The following GPR55 variants were observed in gnomAD, a reference collection of about 807,000 sequenced individuals.
GPR55 encodes G protein-coupled receptor 55, also known as G-protein coupled receptor 55.
In GPR55, 6 loss-of-function variants were observed where a neutral mutation model predicts 7.9. The observed-to-expected ratio is 0.76, with a 90% CI of 0.41 to 1.49. GPR55 has a LOEUF of 1.49. Ranked by LOEUF, GPR55 falls within the 40% of genes most tolerant of loss-of-function variation. The probability of loss-of-function intolerance (pLI) is 0.01; values close to 1 mark genes in which losing one functional copy is unlikely to be tolerated. For missense variants in GPR55, 376 were observed against 406.0 expected (o/e 0.93, Z 0.63); for synonymous variants, 183 against 166.8 (o/e 1.10, Z -0.75).
chr2:230,958,091 G>T, intron 1 of GPR55: 1 of 257,346 alleles, frequency 3.9e-6, no homozygotes, highest in South Asian at 5.0e-5. Context: ...AAGAAAGAAA[G>T]GAAGAAAATT....
At chr2:230,957,622 C>T (rs1157448710) in intron 1 of GPR55, 2 of 475,344 alleles carry the variant, frequency 4.2e-6, no homozygotes, top group Non-Finnish European at 8.6e-6. Context: ...CCGGCGAGCC[C>T]GCGAAGGGGA....
At chr2:230,951,944 T>G (rs1189925882) in intron 1 of GPR55, among the ~76,000 whole-genome samples, 1 of 151,938 alleles carries the variant, frequency 6.6e-6, no homozygotes, top group East Asian at 1.9e-4. Flanking sequence ...TTTTTAATTT[T>G]TTTGCAGAAA....
intron 1 of GPR55, among the ~76,000 whole-genome samples, chr2:230,937,386 G>C (rs1691147956): frequency 2.3e-5 from 2 of 88,224 alleles, no homozygotes; most frequent in South Asian, 6.9e-4. Flanking sequence ...GTCTGGGCAA[G>C]AGAGTGAGGC....
intron 1 of GPR55, among the ~76,000 whole-genome samples, chr2:230,959,183 C>T (rs116350772): frequency 0.015 from 2,310 of 152,330 alleles, 38 homozygotes; most frequent in Non-Finnish European, 0.019. Context: ...ACCTAGCTCA[C>T]GCCTGTAATC....
At chr2:230,915,427 A>G (rs1196346103) in intron 1 of GPR55, among the ~76,000 whole-genome samples, 2 of 152,214 alleles carry the variant, frequency 1.3e-5, no homozygotes, top group African/African-American at 4.8e-5. Flanking sequence ...GGGGACTGGA[A>G]TGGGGCAGTC....
At chr2:230,946,815 C>T (rs150221576) in intron 1 of GPR55, among the ~76,000 whole-genome samples, 3 of 152,332 alleles carry the variant, frequency 2.0e-5, no homozygotes, top group African/African-American at 7.2e-5. Flanking sequence ...TAGGGACCTC[C>T]AGGGCCTAAC....
rs10186750 is a variant in GPR55 at position 230,924,360 on chromosome 2, G to C, written c.-135+808C>G. Among the ~76,000 whole-genome samples, 1 of 152,122 alleles carries C rather than the reference G, an allele frequency of 6.6e-6. No homozygotes were observed. The highest frequency in any genetic ancestry group is 2.4e-5 in the African/African-American group (1 of 41,406). ...CCTGTCCTCTCATCCCCACTGCCTC[G>C]GGCAGCACAAAGCCCAGGTGAAGCC... On this transcript the variant is annotated intron_variant, in intron 1 of 1. Coordinates refer to ENST00000650999, the MANE Select transcript of GPR55 (RefSeq NM_005683.4). This position sits in a 1 kb window ranked among gnomAD's most constrained non-coding sequence, Gnocchi z 4.5.
intron 1 of GPR55, among the ~76,000 whole-genome samples, chr2:230,930,785 G>A (rs748353163): frequency 1.3e-5 from 2 of 152,042 alleles, no homozygotes; most frequent in South Asian, 2.1e-4. Context: ...TTTGTTTTGC[G>A]GCATGGAAAT....
At chr2:230,915,503 G>A (rs973781017) in intron 1 of GPR55, among the ~76,000 whole-genome samples, 4 of 152,214 alleles carry the variant, frequency 2.6e-5, no homozygotes, top group Non-Finnish European at 4.4e-5. Flanking sequence ...AATAGCATCT[G>A]TGAATGGAGT....
At chr2:230,921,102 G>C (rs1030169285) in intron 1 of GPR55, among the ~76,000 whole-genome samples, 1 of 152,076 alleles carries the variant, frequency 6.6e-6, no homozygotes, top group African/African-American at 2.4e-5. Flanking sequence ...CTCCACAAGA[G>C]TGAAAGTTAC....
At chr2:230,942,603 T>G (rs1691250849) in intron 1 of GPR55, among the ~76,000 whole-genome samples, 4 of 142,414 alleles carry the variant, frequency 2.8e-5, no homozygotes, top group Admixed American at 1.4e-4. Flanking sequence ...ACAGGAGGAG[T>G]GAAGAGCAGA....
intron 1 of GPR55, among the ~76,000 whole-genome samples, chr2:230,911,333 A>C (rs912217111): frequency 2.0e-5 from 3 of 152,388 alleles, no homozygotes; most frequent in Admixed American, 6.5e-5. Flanking sequence ...GCAAAGAGAC[A>C]GTTTCACATA....
At chr2:230,936,103 A>G (rs1014132214) in intron 1 of GPR55, among the ~76,000 whole-genome samples, 1 of 152,204 alleles carries the variant, frequency 6.6e-6, no homozygotes, top group Non-Finnish European at 1.5e-5. Flanking sequence ...CAAAGGTGGA[A>G]AGGAGTTAGT....
intron 1 of GPR55, among the ~76,000 whole-genome samples, chr2:230,950,239 A>G (rs1176926815): frequency 6.6e-6 from 1 of 152,220 alleles, no homozygotes; most frequent in Non-Finnish European, 1.5e-5. Context: ...CTGAAGCCAC[A>G]TTGTCTGGGA....
At chr2:230,959,316 T>G (rs2125073217) in intron 1 of GPR55, among the ~76,000 whole-genome samples, 1 of 152,118 alleles carries the variant, frequency 6.6e-6, no homozygotes, top group Admixed American at 6.5e-5. Flanking sequence ...GGTGTAGTGG[T>G]GCATGCCTAT....
chr2:230,957,969 A>G (rs1234380263), intron 1 of GPR55: 2 of 445,018 alleles, frequency 4.5e-6, no homozygotes, highest in African/African-American at 2.1e-5. Flanking sequence ...TCTTGAGCAT[A>G]GAAATCAGAC....
At position 230,923,259 on chromosome 2, in the gene GPR55, G is replaced by T. The variant is rs1443163739; in HGVS notation, c.-135+1909C>A. Among the ~76,000 whole-genome samples, 1 of 152,184 alleles carries T rather than the reference G, an allele frequency of 6.6e-6. No homozygotes were observed. The highest frequency in any genetic ancestry group is 6.5e-5 in the Admixed American group (1 of 15,282). ...ACAAGAAGATCACAACCCTAAGGAGGGTTGCAACTGAGAAGGTGGCCCTTC... is the reference window on the plus strand; with the variant it reads ...ACAAGAAGATCACAACCCTAAGGAGTGTTGCAACTGAGAAGGTGGCCCTTC... On this transcript the variant is annotated intron_variant, in intron 1 of 1. Coordinates refer to ENST00000650999, the MANE Select transcript of GPR55 (RefSeq NM_005683.4). The surrounding 1 kb of genome is among the most constrained non-coding windows in gnomAD (Gnocchi z 4.1).
At chr2:230,929,688 A>G (rs1691001180), upstream of GPR55, 1 of 152,216 alleles carries the variant, frequency 6.6e-6, no homozygotes, top group Non-Finnish European at 1.5e-5. Context: ...AAGTTGGACA[A>G]AGGTGGTCTT....
At chr2:230,945,731 C>T (rs1691303078) in intron 1 of GPR55, among the ~76,000 whole-genome samples, 1 of 152,074 alleles carries the variant, frequency 6.6e-6, no homozygotes, top group African/African-American at 2.4e-5. Flanking sequence ...TACCACCACA[C>T]CTGGTTCACT....
Sources: gnomAD v4.1 joint callset for allele counts (sites outside exome capture counted in the v4.1 genomes callset) on GRCh38, gnomAD v4.1.1 for gene constraint, Gnocchi (gnomAD v3.1) non-coding constraint, MANE v1.5 for transcripts, NCBI Gene and HGNC (gene_info 2026-07-23, HGNC 2026-07-21) for gene names.